The following POU2F2 variants were observed in gnomAD, a reference collection of about 807,000 sequenced individuals.
POU2F2 encodes the protein POU domain, class 2, transcription factor 2.
In POU2F2, 14 loss-of-function variants were observed where a neutral mutation model predicts 63.5. That is an observed-to-expected ratio of 0.22 (90% confidence interval 0.15 to 0.34). The LOEUF (loss-of-function observed/expected upper bound fraction) is 0.34. Ranked by LOEUF, POU2F2 falls within the 10% of genes least tolerant of loss-of-function variation. The pLI is 1.00. For synonymous variants in POU2F2, 306 were observed against 348.6 expected (o/e 0.88, Z 1.36); for missense variants, 607 against 815.2 (o/e 0.74, Z 3.11).
intron 4 of POU2F2, among the ~76,000 whole-genome samples, chr19:42,119,335 A>T (rs1021164412): frequency 2.0e-5 from 3 of 151,850 alleles, no homozygotes; most frequent in African/African-American, 7.3e-5. Context: ...CATACATTGA[A>T]GATCTATGTG....
rs1035177537 is a variant in POU2F2, at chr19:42,152,380, A to G, written c.-9+7952T>C. On this transcript the variant is annotated intron_variant, in intron 2 of 6. Coordinates refer to the POU2F2 transcript ENST00000524801. The surrounding 1 kb of genome is among the most constrained non-coding windows in gnomAD (Gnocchi z 4.1). ...CCCCACAGCCTGCCAAGAAGGCCCC[A>G]GATGGGCCGAGGACTATAGGGGTCC... Among the ~76,000 whole-genome samples, 8 of 151,968 alleles carry G rather than the reference A, an allele frequency of 5.3e-5. No individual in the cohort carries two copies. Among genetic ancestry groups the G allele is most frequent in the Non-Finnish European group, 1.2e-4 (8 of 67,948 alleles).
chr19:42,091,114 TTGG>T lies in POU2F2; in HGVS notation c.*140_*142del. On this transcript the variant is annotated 3_prime_UTR_variant, in exon 15 of 15. Transcript: ENST00000692977. Reference sequence around the variant, plus strand: ...CTTTCCTTTTTTTTTTTTTTTTTGGTTGGTTGTTTTTTTGGTCTTTCCTCCCTT... The same window carrying T: ...CTTTCCTTTTTTTTTTTTTTTTTGGTTTGTTTTTTTGGTCTTTCCTCCCTT... 1 of 515,614 alleles carries T rather than the reference TTGG, an allele frequency of 1.9e-6. No individual in the cohort carries two copies. Among genetic ancestry groups the T allele is most frequent in the Non-Finnish European group, 3.0e-6 (1 of 334,696 alleles). 31.9% of individuals were successfully genotyped at this position (515,614 alleles called of 1,614,324 possible). A position where few individuals can be genotyped will look rare whatever the true frequency, so the allele number is the denominator to read the frequency against.
rs762681814 is a variant in POU2F2, at chr19:42,132,424, G to C, written c.-13C>G. The C allele has an allele frequency of 6.7e-7, 1 of 1,490,662 alleles. No homozygotes were observed. The highest frequency in any genetic ancestry group is 2.6e-5 in the Admixed American group (1 of 38,208). 92.3% of individuals were successfully genotyped at this position (1,490,662 alleles called of 1,614,324 possible). On this transcript the variant is annotated 5_prime_UTR_variant, in exon 1 of 15. Coordinates refer to ENST00000692977, the MANE Select transcript of POU2F2 (RefSeq NM_001394376.1). ...TGGAGTGAACCATGCTGCCCGCCCC[G>C]CCAGGGCTGGGGGAACAACTGTGTC...
At chr19:42,195,482 G>A (rs533136692) in intron 1 of POU2F2, among the ~76,000 whole-genome samples, 5 of 151,712 alleles carry the variant, frequency 3.3e-5, no homozygotes, top group Non-Finnish European at 7.4e-5. Flanking sequence ...ACAGGCGCCC[G>A]CCACCACACC....
chr19:42,093,776 A>T (rs1190936968), intron 12 of POU2F2, 53 bp downstream of exon 12: 2 of 1,554,864 alleles, frequency 1.3e-6, no homozygotes. Flanking sequence ...CTCAGGCTCC[A>T]GCCTGTGCCA....
chr19:42,153,237 A>C lies in POU2F2; in HGVS notation c.-9+7095T>G, dbSNP rs982365242. 1.3e-5 allele frequency among the ~76,000 whole-genome samples: 2 copies of C among 152,282 alleles called. No homozygotes were observed. The highest frequency in any genetic ancestry group is 2.9e-5 in the Non-Finnish European group (2 of 67,998). On this transcript the variant is annotated intron_variant, in intron 2 of 6. Transcript: ENST00000524801. The surrounding 1 kb of genome is among the most constrained non-coding windows in gnomAD (Gnocchi z 5.6). ...CTCTGCTGGGGGATTCTAGGACTGC[A>C]CATACCCGAGCGTCTTGGCCCGAGT...
intron 1 of POU2F2, among the ~76,000 whole-genome samples, chr19:42,183,733 A>G (rs1009405875): frequency 1.3e-5 from 2 of 152,194 alleles, no homozygotes; most frequent in Non-Finnish European, 2.9e-5. Context: ...GATGCCTGAG[A>G]TAAGACCTGA....
At chr19:42,100,907 G>A (rs765043274) in intron 5 of POU2F2, among the ~76,000 whole-genome samples, 2 of 151,992 alleles carry the variant, frequency 1.3e-5, no homozygotes, top group African/African-American at 4.8e-5. Flanking sequence ...AGACCATCCT[G>A]GCTAACACAG....
intron 5 of POU2F2, among the ~76,000 whole-genome samples, chr19:42,105,878 A>G (rs1331885218): frequency 6.6e-6 from 1 of 152,092 alleles, no homozygotes; most frequent in African/African-American, 2.4e-5. Flanking sequence ...GAGGGGTCTA[A>G]AACAATAGAG....
At chr19:42,186,057 T>G (rs1320051359) in intron 1 of POU2F2, among the ~76,000 whole-genome samples, 1 of 152,072 alleles carries the variant, frequency 6.6e-6, no homozygotes, top group Non-Finnish European at 1.5e-5. Context: ...ACCCGGCATT[T>G]TCTTGAATTT....
At chr19:42,097,189 TCA>T (rs918963934) in intron 7 of POU2F2, among the ~76,000 whole-genome samples, 2 of 150,404 alleles carry the variant, frequency 1.3e-5, no homozygotes, top group Non-Finnish European at 3.0e-5. Flanking sequence ...TAGGAATTTT[TCA>T]GTTTTTTTTT....
chr19:42,096,313 G>T lies in POU2F2; in HGVS notation c.568-70C>A, dbSNP rs2146329752. ...GATGGGGCTCAGCGATGGGTGCACA[G>T]TCCCCCTCCCGCCCTCTTCGCCCCT... On this transcript the variant is annotated intron_variant, in intron 7 of 14. Coordinates refer to ENST00000692977, the MANE Select transcript of POU2F2 (RefSeq NM_001394376.1). This position sits in a 1 kb window ranked among gnomAD's most constrained non-coding sequence, Gnocchi z 4.1. The T allele has an allele frequency of 2.1e-6, 3 of 1,413,134 alleles. No homozygotes were observed. Among genetic ancestry groups the T allele is most frequent in the East Asian group, 5.0e-5 (2 of 40,168 alleles). The allele number at this position is 1,413,134 out of a possible 1,614,324, so 87.5% of individuals were successfully genotyped here.
chr19:42,108,252 A>G (rs547141484), intron 5 of POU2F2, among the ~76,000 whole-genome samples: 2 of 152,256 alleles, frequency 1.3e-5, no homozygotes, highest in Non-Finnish European at 2.9e-5. Flanking sequence ...GCACTTGGGC[A>G]TGGTGATATT....
chr19:42,186,617 T>A (rs2035015578), intron 1 of POU2F2, among the ~76,000 whole-genome samples: 1 of 151,814 alleles, frequency 6.6e-6, no homozygotes, highest in African/African-American at 2.4e-5. Context: ...AATATGAATC[T>A]GAGAGGACAA....
At chr19:42,163,231 T>C (rs1446153131) in intron 1 of POU2F2, among the ~76,000 whole-genome samples, 1 of 152,040 alleles carries the variant, frequency 6.6e-6, no homozygotes, top group Non-Finnish European at 1.5e-5. Context: ...CTCCCGGTTC[T>C]GGGGTGCTGT....
intron 5 of POU2F2, among the ~76,000 whole-genome samples, chr19:42,104,917 C>T (rs2077279040): frequency 1.3e-5 from 2 of 152,134 alleles, no homozygotes; most frequent in African/African-American, 4.8e-5. Context: ...GGACTGGGTA[C>T]TCCTGTGCTC....
chr19:42,170,923 G>C (rs1337663535), intron 1 of POU2F2, among the ~76,000 whole-genome samples: 1 of 152,238 alleles, frequency 6.6e-6, no homozygotes, highest in Non-Finnish European at 1.5e-5. Context: ...ATCAGTTGTC[G>C]AGCCTCCCCT....
intron 5 of POU2F2, among the ~76,000 whole-genome samples, chr19:42,115,511 C>T (rs1417346025): frequency 3.3e-5 from 5 of 152,182 alleles, no homozygotes; most frequent in Non-Finnish European, 7.3e-5. Context: ...GGGCTTCCCA[C>T]GACCTTCACT....
At chr19:42,122,665 T>G in intron 1 of POU2F2, 89 bp from the exon 2 acceptor site, 2 of 1,162,752 alleles carry the variant, frequency 1.7e-6, no homozygotes, top group Non-Finnish European at 2.4e-6. Context: ...CCCCAAGCCT[T>G]TCCCCCAAAT....
Sources: gnomAD v4.1 joint callset for allele counts (sites outside exome capture counted in the v4.1 genomes callset) on GRCh38, gnomAD v4.1.1 for gene constraint, Gnocchi (gnomAD v3.1) non-coding constraint, MANE v1.5 for transcripts, NCBI Gene and HGNC (gene_info 2026-07-23, HGNC 2026-07-21) for gene names.